AATK: variants seen among roughly 807,000 people sequenced by gnomAD.
The protein encoded by AATK is serine/threonine-protein kinase LMTK1.
Under a neutral mutation model 114.3 loss-of-function variants are expected in AATK, and 91 were observed. The observed-to-expected ratio is 0.80, with a 90% CI of 0.67 to 0.95. AATK has a LOEUF of 0.95. Ranked by LOEUF, AATK falls within the 40% of genes least tolerant of loss-of-function variation. The pLI, the probability that AATK is intolerant of heterozygous loss-of-function variation, is 0.00. For missense variants in AATK, 2,176 were observed against 1,965.2 expected, an observed-to-expected ratio of 1.11 and a Z score of -2.03; for synonymous variants, 1,075 against 916.5, an observed-to-expected ratio of 1.17 and a Z score of -3.12.
intron 2 of AATK, 138 bp from the exon 3 acceptor site, chr17:81,131,343 A>T: frequency 8.4e-7 from 1 of 1,191,570 alleles, no homozygotes; most frequent in Non-Finnish European, 1.1e-6. Flanking sequence ...AGTTGGAGCC[A>T]CCGCCCCTGC....
chr17:81,138,352 C>T (rs1289310153), intron 1 of AATK, among the ~76,000 whole-genome samples: 1 of 148,720 alleles, frequency 6.7e-6, no homozygotes, highest in Non-Finnish European at 1.5e-5. Context: ...CACACATACC[C>T]ACGCACACAC....
intron 7 of AATK, chr17:81,125,818 TGGGTTG>T (rs1403003475): frequency 4.2e-5 from 11 of 264,070 alleles, no homozygotes; most frequent in Non-Finnish European, 8.6e-5. Flanking sequence ...TGGAGTGGGG[TGGGTTG>T]GGGTTGGGGG....
chr17:81,127,250 G>A (rs183888006), intron 6 of AATK, among the ~76,000 whole-genome samples: 1 of 151,040 alleles, frequency 6.6e-6, no homozygotes, highest in East Asian at 2.0e-4. Flanking sequence ...AGGCCGTGGA[G>A]CCCAAGTGGG....
In AATK at chr17:81,126,100, C is replaced by T; in HGVS notation, c.755+327G>A. 1 of 504,494 alleles carries T rather than the reference C, an allele frequency of 2.0e-6. No homozygotes were observed. 31.3% of individuals were successfully genotyped at this position (504,494 alleles called of 1,614,324 possible). A position where few individuals can be genotyped will look rare whatever the true frequency, so the allele number is the denominator to read the frequency against. On this transcript the variant is annotated intron_variant, in intron 7 of 13. Transcript: ENST00000326724. The surrounding 1 kb of genome is among the most constrained non-coding windows in gnomAD (Gnocchi z 5.1). ...GGTCCTTCGAAGCAGGGTCTGTCTC[C>T]CTCAAGCCCCAAAGCGAGGGCTTAG...
At chr17:81,140,344 A>G (rs1391243677) in intron 1 of AATK, among the ~76,000 whole-genome samples, 2 of 152,154 alleles carry the variant, frequency 1.3e-5, no homozygotes, top group East Asian at 3.8e-4. Context: ...TTTCATTCCA[A>G]TGAGCTGTAA....
At position 81,127,587 on chromosome 17, in the gene AATK, G is replaced by C. The variant is rs1168585214; in HGVS notation, c.617C>G (p.Pro206Arg). 6.3e-7 allele frequency: 1 copy of C among 1,597,372 alleles called. No individual in the cohort carries two copies. Among genetic ancestry groups the C allele is most frequent in the East Asian group, 2.3e-5 (1 of 44,054 alleles). The change falls in exon 6 of 14, where the codon CCA (proline) becomes CGA (arginine). Residue 206 changes from proline to arginine, a missense_variant. Transcript: ENST00000326724. ...TPYLLVMEFC[P>R]LGDLKGYLRS... The stretch of plus-strand genomic sequence containing the variant: ...TCCCCCCGGGCAGCAGCTCACCAGT[G>C]GGCAGAACTCCATCACCAGCAGGTA...
In AATK at chr17:81,125,044, G is replaced by GGCA. The variant is rs1568225084; in HGVS notation, c.756-31_756-30insTGC. The GGCA allele has an allele frequency of 5.3e-3, 322 of 60,506 alleles. 5 individuals carry two copies. In the Admixed American group the frequency reaches 0.18, roughly 34 times the overall value. 3.7% of individuals were successfully genotyped at this position (60,506 alleles called of 1,614,324 possible). On this transcript the variant is annotated intron_variant, in intron 7 of 13. Coordinates refer to ENST00000326724, the MANE Select transcript of AATK (RefSeq NM_001080395.3). ...AGGCAGGGGCAGGGGCAGGGGCAGG[G>GGCA]TGAGCAGGGTGAGCAGGGTGTGCCG...
chr17:81,128,612 C>A, intron 3 of AATK, 63 bp from the exon 4 acceptor site: 1 of 1,543,278 alleles, frequency 6.5e-7, no homozygotes, highest in South Asian at 1.2e-5. Context: ...CTTCCTCACC[C>A]GGCCCCTGGA....
chr17:81,140,669 T>C (rs1287094733), intron 1 of AATK, among the ~76,000 whole-genome samples: 1 of 121,056 alleles, frequency 8.3e-6, no homozygotes, highest in Non-Finnish European at 1.8e-5. Flanking sequence ...CGTGGGGCCG[T>C]GGGGACCATG....
intron 1 of AATK, among the ~76,000 whole-genome samples, chr17:81,156,689 G>A (rs905694234): frequency 3.3e-5 from 5 of 152,304 alleles, no homozygotes; most frequent in East Asian, 3.9e-4. Flanking sequence ...GAGCCACCGC[G>A]CCCAGACTAA....
Position 81,120,234 on chromosome 17 carries a change from G to A in AATK, c.3702C>T (p.Phe1234=), listed in dbSNP as rs575537754. The change falls in exon 11 of 14, where the codon TTC becomes TTT. Residue 1234 remains phenylalanine, a synonymous_variant. Transcript: ENST00000326724. ...AGAGGTAGACGGTGACGTCGTCGAA[G>A]AAGGACACGGCCTTCTTCTTGCGTT... is the stretch of plus-strand genomic sequence containing the variant. ...DLERKKKAVS[F]FDDVTVYLFD... 3.5e-4 allele frequency: 561 copies of A among 1,589,132 alleles called. 6 individuals carry two copies. In the South Asian group the frequency reaches 6.0e-3, roughly 17 times the overall value.
intron 1 of AATK, among the ~76,000 whole-genome samples, chr17:81,158,788 G>A (rs1027005576): frequency 5.9e-5 from 9 of 152,312 alleles, no homozygotes; most frequent in African/African-American, 7.2e-5. Context: ...TCACGAGCCC[G>A]GGCGTTATAA....
chr17:81,145,933 A>T (rs1179074832), intron 1 of AATK, among the ~76,000 whole-genome samples: 1 of 152,114 alleles, frequency 6.6e-6, no homozygotes, highest in Non-Finnish European at 1.5e-5. Flanking sequence ...CACACCCACA[A>T]TCCCAGCACT....
At position 81,119,532 on chromosome 17, in the gene AATK, G is replaced by A; in HGVS notation, c.3932C>T (p.Ala1311Val). 5 of 1,578,814 alleles carry A rather than the reference G, an allele frequency of 3.2e-6. No individual in the cohort carries two copies. The highest frequency in any genetic ancestry group is 4.3e-6 in the Non-Finnish European group (5 of 1,164,922). The stretch of plus-strand genomic sequence containing the variant: ...CGGGTCTAGGGCCATGGCGAAGGCT[G>A]CCTTGGCCGTCATCAGCGGGAAGTC... ...DDDFPLMTAK[A>V]AFAMALDPAA... The change falls in exon 13 of 14, where the codon GCA becomes GTA. Residue 1311 changes from alanine (A) to valine (V), a missense_variant. Coordinates refer to ENST00000326724, the MANE Select transcript of AATK (RefSeq NM_001080395.3).
At chr17:81,123,866 C>T (rs1249717329) in intron 9 of AATK, among the ~76,000 whole-genome samples, 15 of 152,140 alleles carry the variant, frequency 9.9e-5, no homozygotes, top group Non-Finnish European at 2.1e-4. Context: ...TGGGCTGTGG[C>T]TTCACCCAGC....
intron 3 of AATK, among the ~76,000 whole-genome samples, chr17:81,130,781 AG>A (rs1241461857): frequency 6.8e-6 from 1 of 147,342 alleles, no homozygotes; most frequent in East Asian, 2.2e-4. Flanking sequence ...CCCCTTGGGC[AG>A]GGGAGGCTGG....
intron 1 of AATK, among the ~76,000 whole-genome samples, chr17:81,147,824 C>T (rs568759104): frequency 1.7e-4 from 26 of 152,158 alleles, no homozygotes; most frequent in Admixed American, 1.4e-3. Context: ...AGAAGCAGGA[C>T]GTGCAGGACT....
At position 81,123,207 on chromosome 17, in the gene AATK, G is replaced by A. The variant is rs1257502175; in HGVS notation, c.1099C>T (p.Leu367=). The A allele has an allele frequency of 2.1e-6, 3 of 1,426,442 alleles. No homozygotes were observed. Among genetic ancestry groups the A allele is most frequent in the Admixed American group, 3.4e-5 (1 of 29,274 alleles). 88.4% of individuals were successfully genotyped at this position (1,426,442 alleles called of 1,614,324 possible). A position where few individuals can be genotyped will look rare whatever the true frequency, so the allele number is the denominator to read the frequency against. ...KLPKPQLQLT[L]SDRWYEVMQF... The stretch of plus-strand genomic sequence containing the variant: ...TGGGGCCCTCACCAGCGGTCCGACA[G>A]GGTCAGCTGCAGCTGGGGCTTGGGC... Residue 367 remains leucine (L), a synonymous_variant, in exon 10 of 14, where the codon CTG becomes TTG. Transcript: ENST00000326724.
rs147831546 is a variant in AATK at position 81,147,013 on chromosome 17, G to A, written c.56-12512C>T. Among the ~76,000 whole-genome samples the A allele has an allele frequency of 2.3e-3, 343 of 150,132 alleles. 5 individuals are homozygous for A. Among genetic ancestry groups the A allele is most frequent in the African/African-American group, 8.1e-3 (329 of 40,472 alleles). On this transcript the variant is annotated intron_variant, in intron 1 of 13. Transcript: ENST00000326724. ...TAAAGTAAGGAATGAGAAAGTGAACGCCGCAGACGGAAAAAGCTATTTGCA... is the reference window on the plus strand; with the variant it reads ...TAAAGTAAGGAATGAGAAAGTGAACACCGCAGACGGAAAAAGCTATTTGCA...
Sources: allele counts gnomAD v4.1 joint callset (sites outside exome capture counted in the v4.1 genomes callset), GRCh38; gene constraint gnomAD v4.1.1; non-coding constraint Gnocchi (gnomAD v3.1); transcripts MANE v1.5; gene names NCBI Gene and HGNC (gene_info 2026-07-23, HGNC 2026-07-21).